The following TMEM80 variants were observed in gnomAD, a reference collection of about 807,000 sequenced individuals.
TMEM80 encodes the protein transmembrane protein 80.
Under a neutral mutation model 13.6 loss-of-function variants are expected in TMEM80, and 16 were observed. That is an observed-to-expected ratio of 1.17 (90% CI 0.79 to 1.78). TMEM80 has a LOEUF of 1.78. Ranked by LOEUF, TMEM80 falls within the 40% of genes most tolerant of loss-of-function variation. TMEM80 has a pLI of 0.00. For synonymous variants in TMEM80, 92 were observed against 89.5 expected (o/e 1.03, Z -0.16); for missense variants, 167 against 184.6 (o/e 0.90, Z 0.55).
downstream of TMEM80, chr11:704,864 G>A (rs11246273): frequency 0.41 from 148,433 of 358,076 alleles, 33,524 homozygotes; most frequent in South Asian, 0.5. Flanking sequence ...TCCAGCGCCT[G>A]TTTCCCACTT....
At chr11:697,395 G>A (rs1254375645) in intron 1 of TMEM80, 1 of 152,234 alleles carries the variant, frequency 6.6e-6, no homozygotes, top group Non-Finnish European at 1.5e-5. Context: ...ATTATAGTAA[G>A]TCACTGACAA....
chr11:696,608 A>C (rs1861175810), intron 1 of TMEM80, among the ~76,000 whole-genome samples: 1 of 152,138 alleles, frequency 6.6e-6, no homozygotes, highest in Non-Finnish European at 1.5e-5. Context: ...ATAAAAAAAA[A>C]ACTGTAAACA....
downstream of TMEM80, chr11:704,746 C>T: frequency 1.0e-6 from 1 of 958,572 alleles, no homozygotes; most frequent in Non-Finnish European, 1.4e-6. Flanking sequence ...TGGATGGGGC[C>T]CGAGAGGCCA....
chr11:700,776 G>A, intron 4 of TMEM80, 69 bp downstream of exon 4: 1 of 1,398,576 alleles, frequency 7.2e-7, no homozygotes, highest in Non-Finnish European at 1.0e-6. Context: ...AGCCTTTCAA[G>A]AGTAATTATT....
chr11:702,911 C>T (rs543097006), intron 4 of TMEM80, 34 bp from the exon 5 acceptor site: 2 of 1,552,248 alleles, frequency 1.3e-6, no homozygotes, highest in Non-Finnish European at 1.8e-6. Context: ...GAGCGCCTCG[C>T]ACCACCTTCC....
intron 1 of TMEM80, among the ~76,000 whole-genome samples, chr11:697,077 G>T (rs1372003284): frequency 6.8e-6 from 1 of 147,402 alleles, no homozygotes; most frequent in Non-Finnish European, 1.5e-5. Context: ...TGCAGCCTGG[G>T]CAACAAGAGC....
In TMEM80 at chr11:700,229, T is replaced by C; in HGVS notation, c.127T>C (p.Tyr43His). ...YFLATLLMIT[Y>H]KSQVFSYPHR... ...CCTCGCCACGCTCCTGATGATCACG[T>C]ATAAAAGTAAGTCAGGGACGGGCAC... is the stretch of plus-strand genomic sequence containing the variant. The change falls in exon 3 of 5, where the codon TAT becomes CAT. Residue 43 changes from tyrosine (Y) to histidine (H), a missense_variant. Transcript: ENST00000397510. 1.2e-6 allele frequency: 2 copies of C among 1,613,420 alleles called. No homozygotes were observed. Among genetic ancestry groups the C allele is most frequent in the South Asian group, 1.1e-5 (1 of 91,064 alleles).
At position 703,457 on chromosome 11, in the gene TMEM80, T is replaced by C; in HGVS notation, c.*307T>C. 1 of 1,269,832 alleles carries C rather than the reference T, an allele frequency of 7.9e-7. No homozygotes were observed. The highest frequency in any genetic ancestry group is 9.9e-7 in the Non-Finnish European group (1 of 1,010,376). 78.7% of individuals were successfully genotyped at this position (1,269,832 alleles called of 1,614,324 possible). A position where few individuals can be genotyped will look rare whatever the true frequency, so the allele number is the denominator to read the frequency against. ...GGGGTCTGGCTTTAGCAGCCAGGCCTCCACAGACCCCCATGGGCCCCCAGG... is the reference window on the plus strand; with the variant it reads ...GGGGTCTGGCTTTAGCAGCCAGGCCCCCACAGACCCCCATGGGCCCCCAGG... On this transcript the variant is annotated 3_prime_UTR_variant, in exon 5 of 5. Coordinates refer to ENST00000397510, the MANE Select transcript of TMEM80 (RefSeq NM_001042463.3).
At chr11:704,405 C>A, downstream of TMEM80, 1 of 1,262,922 alleles carries the variant, frequency 7.9e-7, no homozygotes, top group Non-Finnish European at 1.0e-6. Context: ...CCCAGTTGTC[C>A]TGGGCCGACT....
At chr11:700,293 G>C in intron 3 of TMEM80, 58 bp downstream of exon 3, 1 of 1,454,468 alleles carries the variant, frequency 6.9e-7, no homozygotes, top group Non-Finnish European at 9.6e-7. Context: ...TTGGGAGGCT[G>C]AGGTGGGCGG....
In TMEM80 at chr11:703,110, C is replaced by G. The variant is rs1317447637; in HGVS notation, c.392C>G (p.Ala131Gly). The G allele has an allele frequency of 1.2e-6, 2 of 1,610,570 alleles. No individual in the cohort carries two copies. The highest frequency in any genetic ancestry group is 3.3e-5 in the Admixed American group (2 of 59,868). The change falls in exon 5 of 5, where the codon GCC (alanine) becomes GGC (glycine). Residue 131 changes from alanine to glycine, a missense_variant. Ala to Gly is a moderately conservative substitution (Grantham distance 60, BLOSUM62 0). Transcript: ENST00000397510. ...CTCCTGGCCCTTCACGGCCTGGAGGCCGTCCTGCAGGTGGTTGCCATCGCG... is the reference window on the plus strand; with the variant it reads ...CTCCTGGCCCTTCACGGCCTGGAGGGCGTCCTGCAGGTGGTTGCCATCGCG... ...ATLLALHGLEAVLQVVAIAAF... is the reference protein window; with the variant it reads ...ATLLALHGLEGVLQVVAIAAF...
At position 703,835 on chromosome 11, in the gene TMEM80, A is replaced by G; in HGVS notation, c.*685A>G. 2 of 1,234,632 alleles carry G rather than the reference A, an allele frequency of 1.6e-6. No individual in the cohort carries two copies. Among genetic ancestry groups the G allele is most frequent in the Non-Finnish European group, 2.0e-6 (2 of 990,126 alleles). The allele number at this position is 1,234,632 out of a possible 1,614,324, so 76.5% of individuals were successfully genotyped here. A position where few individuals can be genotyped will look rare whatever the true frequency, so the allele number is the denominator to read the frequency against. On this transcript the variant is annotated 3_prime_UTR_variant, in exon 5 of 5. Coordinates refer to ENST00000397510, the MANE Select transcript of TMEM80 (RefSeq NM_001042463.3). Reference sequence around the variant, plus strand: ...GGAGAGGTCAGGGCTAAGGCCGGGGATGAGACTGCAGGAGAGAGAGCAGCG... The same window carrying G: ...GGAGAGGTCAGGGCTAAGGCCGGGGGTGAGACTGCAGGAGAGAGAGCAGCG...
chr11:699,124 C>G lies in TMEM80; in HGVS notation c.39+236C>G, dbSNP rs891263839. On this transcript the variant is annotated intron_variant, in intron 2 of 4. Transcript: ENST00000397510. ...AAAGTGGCTAAGCACGCCACACTGCCGGCTCCCAAGGCGATGGCCACCTGC... is the reference window on the plus strand; with the variant it reads ...AAAGTGGCTAAGCACGCCACACTGCGGGCTCCCAAGGCGATGGCCACCTGC... The G allele has an allele frequency of 1.2e-5, 6 of 511,198 alleles. No homozygotes were observed. In the East Asian group the frequency reaches 1.8e-4, roughly 16 times the overall value. The allele number at this position is 511,198 out of a possible 1,614,324, so 31.7% of individuals were successfully genotyped here.
rs1246476552 is a variant in TMEM80, at chr11:698,875, G to A, written c.26G>A (p.Gly9Glu). The change falls in exon 2 of 5, where the codon GGA becomes GAA. Residue 9 changes from glycine (G) to glutamate (E), a missense_variant. Transcript: ENST00000397510. The stretch of plus-strand genomic sequence containing the variant: ...CGGCCCCTTTCTCTTTCAGGGAGAG[G>A]ATCCTCCACAGTGGTATCCTGCTGC... MAAPRRGRGSSTVLSSVPL... is the reference protein window; with the variant it reads MAAPRRGRESSTVLSSVPL... 2 of 1,614,172 alleles carry A rather than the reference G, an allele frequency of 1.2e-6. No individual in the cohort carries two copies. Among genetic ancestry groups the A allele is most frequent in the African/African-American group, 1.3e-5 (1 of 75,048 alleles).
upstream of TMEM80, chr11:695,772 C>T (rs1861104961): frequency 2.4e-6 from 3 of 1,237,612 alleles, no homozygotes; most frequent in South Asian, 3.7e-5. Context: ...GGAGCGCGAG[C>T]GCGCGGGCCG....
Position 697,021 on chromosome 11 carries a change from G to C in TMEM80, c.19+1175G>C, listed in dbSNP as rs866304388. Among the ~76,000 whole-genome samples the C allele has an allele frequency of 1.2e-3, 188 of 151,622 alleles. 1 individual carries two copies. Among genetic ancestry groups the C allele is most frequent in the African/African-American group, 4.4e-3 (182 of 41,344 alleles). On this transcript the variant is annotated intron_variant, in intron 1 of 4. Transcript: ENST00000397510. ...TCGAACCCGGTGGTGGTGGTGGGGG[G>C]GGTGGGGTGCGGAGGTTGCAGTTGG...
rs370732826 is a variant in TMEM80, at chr11:698,862, C to G, written c.20-7C>G. On this transcript the variant is annotated splice_region_variant and splice_polypyrimidine_tract_variant and intron_variant, in intron 1 of 4. Coordinates refer to ENST00000397510, the MANE Select transcript of TMEM80 (RefSeq NM_001042463.3). Reference sequence around the variant, plus strand: ...CAGGCCTTGCTCACGGCCCCTTTCTCTTTCAGGGAGAGGATCCTCCACAGT... The same window carrying G: ...CAGGCCTTGCTCACGGCCCCTTTCTGTTTCAGGGAGAGGATCCTCCACAGT... The G allele has an allele frequency of 1.2e-6, 2 of 1,614,174 alleles. No homozygotes were observed.
intron 1 of TMEM80, 94 bp downstream of exon 1, chr11:695,940 A>C: frequency 1.0e-6 from 1 of 991,904 alleles, no homozygotes; most frequent in Non-Finnish European, 1.3e-6. Flanking sequence ...CGGTGCGCTC[A>C]CGGGGCCGTG....
At position 703,924 on chromosome 11, in the gene TMEM80, G is replaced by A. The variant is rs1382702294; in HGVS notation, c.*774G>A. The A allele has an allele frequency of 2.4e-5, 30 of 1,243,980 alleles. No individual in the cohort carries two copies. The highest frequency in any genetic ancestry group is 2.7e-5 in the Non-Finnish European group (27 of 995,824). The allele number at this position is 1,243,980 out of a possible 1,614,324, so 77.1% of individuals were successfully genotyped here. A position where few individuals can be genotyped will look rare whatever the true frequency, so the allele number is the denominator to read the frequency against. On this transcript the variant is annotated 3_prime_UTR_variant, in exon 5 of 5. Transcript: ENST00000397510. ...TCAGCTTTTGCCTTTTGCACGGAGT[G>A]CTAAACAAATTCTAGCTCTGTGTTT... is the stretch of plus-strand genomic sequence containing the variant.
Sources: gnomAD v4.1 joint callset for allele counts (sites outside exome capture counted in the v4.1 genomes callset) on GRCh38, gnomAD v4.1.1 for gene constraint, MANE v1.5 for transcripts, NCBI Gene and HGNC (gene_info 2026-07-23, HGNC 2026-07-21) for gene names.